BCR: variants seen among roughly 807,000 people sequenced by gnomAD.
The protein encoded by BCR is breakpoint cluster region protein.
BCR carries 58 observed loss-of-function variants against 138.6 expected under a neutral mutation model. The observed-to-expected ratio is 0.42, with a 90% CI of 0.34 to 0.52. BCR has a LOEUF of 0.52. Ranked by LOEUF, BCR falls within the 20% of genes least tolerant of loss-of-function variation. The probability of loss-of-function intolerance (pLI) is 0.06; values close to 1 mark genes in which losing one functional copy is unlikely to be tolerated. For missense variants in BCR, 1,599 were observed against 1,727.2 expected, an observed-to-expected ratio of 0.93 and a Z score of 1.32; for synonymous variants, 786 against 730.1, an observed-to-expected ratio of 1.08 and a Z score of -1.23.
chr22:23,185,481 C>G (rs1177553104), intron 1 of BCR, among the ~76,000 whole-genome samples: 2 of 152,030 alleles, frequency 1.3e-5, no homozygotes, highest in South Asian at 4.2e-4. Flanking sequence ...CTGGCTAACA[C>G]GGTGAAACCC....
rs751357624 is a variant in BCR at position 23,313,922 on chromosome 22, C to T, written c.3458-46C>T. On this transcript the variant is annotated intron_variant, in intron 20 of 22. Transcript: ENST00000305877. ...TCCATGTGAACACCTCGGGAGAGGT[C>T]TCTGGCTCGTTGTGACCCCAAGGAG... 4.0e-6 allele frequency: 6 copies of T among 1,514,418 alleles called. No individual in the cohort carries two copies. In the South Asian group the frequency reaches 6.7e-5, roughly 17 times the overall value. The allele number at this position is 1,514,418 out of a possible 1,614,324, so 93.8% of individuals were successfully genotyped here.
At chr22:23,190,749 G>A (rs573307850) in intron 1 of BCR, among the ~76,000 whole-genome samples, 14 of 152,160 alleles carry the variant, frequency 9.2e-5, no homozygotes, top group Admixed American at 7.2e-4. Flanking sequence ...TGAGCCAAGC[G>A]TCATGTGGTT....
intron 6 of BCR, among the ~76,000 whole-genome samples, chr22:23,272,193 T>C (rs1039268368): frequency 6.6e-6 from 1 of 152,204 alleles, no homozygotes; most frequent in African/African-American, 2.4e-5. Context: ...GCACAGGCTT[T>C]AAGTGGCTGG....
chr22:23,199,861 C>T (rs1282037987), intron 1 of BCR, among the ~76,000 whole-genome samples: 3 of 152,022 alleles, frequency 2.0e-5, no homozygotes, highest in Non-Finnish European at 2.9e-5. Context: ...GAGGCCAAGG[C>T]GGGCAGATCA....
chr22:23,231,096 T>A (rs918541288), intron 1 of BCR, among the ~76,000 whole-genome samples: 1 of 152,204 alleles, frequency 6.6e-6, no homozygotes, highest in Non-Finnish European at 1.5e-5. Context: ...AGTAAACAGT[T>A]TGGCATGTGG....
intron 1 of BCR, among the ~76,000 whole-genome samples, chr22:23,233,042 T>C (rs1384625018): frequency 6.6e-6 from 1 of 152,236 alleles, no homozygotes; most frequent in East Asian, 1.9e-4. Flanking sequence ...GAGCTTTGGA[T>C]AGAAGCATCT....
intron 8 of BCR, chr22:23,283,254 G>A (rs1462840540): frequency 6.6e-6 from 1 of 152,322 alleles, no homozygotes; most frequent in African/African-American, 2.4e-5. Context: ...CAGGCCGCAG[G>A]TGTCCAGGCA....
chr22:23,231,416 A>G (rs1369828455), intron 1 of BCR, among the ~76,000 whole-genome samples: 3 of 151,940 alleles, frequency 2.0e-5, no homozygotes, highest in South Asian at 2.1e-4. Context: ...TGAGTCAGGA[A>G]GATTGCTTGA....
rs747084741 is a variant in BCR, at chr22:23,288,105, G to A, written c.2535G>A (p.Thr845=). 28 of 1,613,972 alleles carry A rather than the reference G, an allele frequency of 1.7e-5. No homozygotes were observed. The highest frequency in any genetic ancestry group is 3.3e-4 in the Middle Eastern group (2 of 6,014). Residue 845 remains threonine, a synonymous_variant, in exon 12 of 23, where the codon ACG becomes ACA. Transcript: ENST00000305877. The part of the protein sequence containing the change: ...RVHSRNGKSY[T]FLISSDYERA... ...CTTCTTGCCCACCCTAGAGTTACAC[G>A]TTCCTGATCTCCTCTGACTATGAGC...
intron 1 of BCR, among the ~76,000 whole-genome samples, chr22:23,215,662 T>G (rs1383446656): frequency 6.6e-6 from 1 of 152,190 alleles, no homozygotes; most frequent in Non-Finnish European, 1.5e-5. Context: ...TTGTTGTCCT[T>G]GGAACAGTCA....
chr22:23,315,939 G>A lies in BCR; in HGVS notation c.*417G>A, dbSNP rs1263705062. The A allele has an allele frequency of 2.5e-4, 96 of 382,910 alleles. No individual in the cohort carries two copies. Among genetic ancestry groups the A allele is most frequent in the South Asian group, 2.4e-3 (92 of 38,818 alleles). 23.7% of individuals were successfully genotyped at this position (382,910 alleles called of 1,614,324 possible). On this transcript the variant is annotated 3_prime_UTR_variant, in exon 23 of 23. Coordinates refer to ENST00000305877, the MANE Select transcript of BCR (RefSeq NM_004327.4). ...CCTCACTGTTGTATCTTGAATAAAC[G>A]CTGCTGCTTCATCCTGTGGGGGCCG...
chr22:23,301,292 C>T (rs1245815281), intron 16 of BCR, among the ~76,000 whole-genome samples: 6 of 152,194 alleles, frequency 3.9e-5, no homozygotes, highest in Non-Finnish European at 5.9e-5. Flanking sequence ...GGGGACAGAG[C>T]GAGACTATCT....
chr22:23,277,996 T>C (rs2146293696), intron 8 of BCR, among the ~76,000 whole-genome samples: 1 of 152,328 alleles, frequency 6.6e-6, no homozygotes, highest in South Asian at 2.1e-4. Flanking sequence ...GATCAAAGGA[T>C]CCCGCAGGCA....
chr22:23,266,825 T>C (rs1199038496), intron 4 of BCR, among the ~76,000 whole-genome samples: 1 of 152,194 alleles, frequency 6.6e-6, no homozygotes, highest in African/African-American at 2.4e-5. Flanking sequence ...CATTTTTGAT[T>C]AGTGAAAAAT....
chr22:23,185,148 A>G (rs1465480739), intron 1 of BCR, among the ~76,000 whole-genome samples: 1 of 152,142 alleles, frequency 6.6e-6, no homozygotes. Context: ...GCCCATTTAC[A>G]GGTAAAGACA....
chr22:23,247,525 C>G (rs999831723), intron 1 of BCR, among the ~76,000 whole-genome samples: 5 of 152,158 alleles, frequency 3.3e-5, no homozygotes, highest in Non-Finnish European at 5.9e-5. Context: ...ACCTCTGATC[C>G]CCTGAGGGCT....
rs200099830 is a variant in BCR, at chr22:23,313,009, G to A, written c.3445G>A (p.Ala1149Thr). 4.7e-4 allele frequency: 746 copies of A among 1,574,660 alleles called. 6 individuals carry two copies. In the East Asian group the frequency reaches 0.016, roughly 34 times the overall value. Residue 1149 changes from alanine to threonine, a missense_variant, in exon 20 of 23, where the codon GCA becomes ACA. Physicochemically the swap from Ala to Thr is moderately conservative, Grantham distance 58. This residue lies in a region of BCR where 177 missense variants were observed against 226.4 expected (regional missense o/e 0.78). Transcript: ENST00000305877. The part of the protein sequence containing the change: ...LFTDEFYPNF[A>T]EGIALSDPVA... ...CACTGACGAGTTCTACCCCAACTTC[G>A]CAGAGGGCATCGGTGAGCACTGGAG...
chr22:23,294,940 G>A, intron 15 of BCR, 84 bp from the exon 16 acceptor site: 1 of 1,534,580 alleles, frequency 6.5e-7, no homozygotes, highest in Non-Finnish European at 8.9e-7. Context: ...GGGCAGCAGG[G>A]AGAGCCCCGG....
chr22:23,311,363 G>A (rs989281590), intron 18 of BCR, among the ~76,000 whole-genome samples: 11 of 150,580 alleles, frequency 7.3e-5, no homozygotes, highest in Admixed American at 1.3e-4. Flanking sequence ...CCTCCCAGCC[G>A]GGGGTACAGG....
Sources: allele counts gnomAD v4.1 joint callset (sites outside exome capture counted in the v4.1 genomes callset), GRCh38; gene constraint gnomAD v4.1.1; regional missense constraint gnomAD v4.1.1; transcripts MANE v1.5; gene names NCBI Gene and HGNC (gene_info 2026-07-23, HGNC 2026-07-21).